The following SYCP2L variants were observed in gnomAD, a reference collection of about 807,000 sequenced individuals.
SYCP2L encodes the protein synaptonemal complex protein 2-like.
SYCP2L carries 98 observed loss-of-function variants against 125.8 expected under a neutral mutation model. That is an observed-to-expected ratio of 0.78 (90% confidence interval 0.66 to 0.92). The LOEUF (loss-of-function observed/expected upper bound fraction) is 0.92. Ranked by LOEUF, SYCP2L falls within the 40% of genes least tolerant of loss-of-function variation. The pLI is 0.00. For missense variants in SYCP2L, 842 were observed against 936.4 expected (o/e 0.90, Z 1.32); for synonymous variants, 317 against 325.4 (o/e 0.97, Z 0.28).
intron 6 of SYCP2L, among the ~76,000 whole-genome samples, chr6:10,899,841 A>G (rs1232194513): frequency 2.0e-5 from 3 of 152,228 alleles, no homozygotes; most frequent in Non-Finnish European, 4.4e-5. Context: ...AAACATTTTC[A>G]AGTCAAAGTT....
intron 21 of SYCP2L, among the ~76,000 whole-genome samples, chr6:10,941,831 G>T (rs1781226317): frequency 2.6e-5 from 4 of 152,042 alleles, no homozygotes; most frequent in Admixed American, 1.3e-4. Flanking sequence ...TATAAAACAT[G>T]CTGCTATAAA....
At position 10,893,049 on chromosome 6, in the gene SYCP2L, A is replaced by G. The variant is rs1268966065; in HGVS notation, c.79-818A>G. Among the ~76,000 whole-genome samples the G allele has an allele frequency of 4.0e-5, 6 of 150,878 alleles. No homozygotes were observed. The East Asian group carries it at 7.8e-4, about 20-fold the overall frequency. On this transcript the variant is annotated intron_variant, in intron 2 of 29. Coordinates refer to ENST00000283141, the MANE Select transcript of SYCP2L (RefSeq NM_001040274.3). ...TGAGACAGAGTTTTGCTCTTGTTGC[A>G]CAGGCTGGAGTGCAGTGGTGCGATC...
chr6:10,906,119 A>G, intron 9 of SYCP2L, 65 bp downstream of exon 9: 1 of 908,906 alleles, frequency 1.1e-6, no homozygotes, highest in African/African-American at 1.6e-5. Flanking sequence ...TTTTATGAGC[A>G]TCTTGGGACT....
At position 10,902,745 on chromosome 6, in the gene SYCP2L, C is replaced by G; in HGVS notation, c.535C>G (p.His179Asp). The change falls in exon 7 of 30, where the codon CAT (histidine) becomes GAT (aspartate). Residue 179 changes from histidine to aspartate, a missense_variant. Coordinates refer to ENST00000283141, the MANE Select transcript of SYCP2L (RefSeq NM_001040274.3). The stretch of plus-strand genomic sequence containing the variant: ...CCTGGTGACAGAAAAGACTGTAAAT[C>G]ATTTGCTTCAACAGGAGGTGAGTTG... ...GFLVTEKTVN[H>D]LLQQEGLKTF... 6.2e-7 allele frequency: 1 copy of G among 1,614,120 alleles called. No individual in the cohort carries two copies. The highest frequency in any genetic ancestry group is 8.5e-7 in the Non-Finnish European group (1 of 1,179,996).
intron 23 of SYCP2L, among the ~76,000 whole-genome samples, chr6:10,953,536 G>A (rs935702856): frequency 6.6e-6 from 1 of 152,150 alleles, no homozygotes; most frequent in African/African-American, 2.4e-5. Context: ...TAGAATAAGA[G>A]AACTGAAATA....
chr6:10,900,358 C>A (rs1405902746), intron 6 of SYCP2L, among the ~76,000 whole-genome samples: 4 of 127,990 alleles, frequency 3.1e-5, no homozygotes, highest in Non-Finnish European at 5.5e-5. Context: ...CTTTTCTTTT[C>A]TTTTTTTTTT....
rs551103839 is a variant in SYCP2L at position 10,907,892 on chromosome 6, G to GTTTTTTTTTTTTT, written c.819+214_819+226dup. The stretch of plus-strand genomic sequence containing the variant: ...GAGCTAGATATAGGGATACAGATAG[G>GTTTTTTTTTTTTT]TTTTTTTTTTTTTTTTTTGACAGAG... On this transcript the variant is annotated intron_variant, in intron 10 of 29. Coordinates refer to ENST00000283141, the MANE Select transcript of SYCP2L (RefSeq NM_001040274.3). Among the ~76,000 whole-genome samples, 117 of 91,902 alleles carry GTTTTTTTTTTTTT rather than the reference G, an allele frequency of 1.3e-3. 10 individuals are homozygous for GTTTTTTTTTTTTT. The highest frequency in any genetic ancestry group is 1.9e-3 in the African/African-American group (46 of 24,144). 60.3% of individuals were successfully genotyped at this position (91,902 alleles called of 152,430 possible). A position where few individuals can be genotyped will look rare whatever the true frequency, so the allele number is the denominator to read the frequency against.
At chr6:10,972,807 C>T (rs1316475041) in intron 29 of SYCP2L, among the ~76,000 whole-genome samples, 3 of 152,150 alleles carry the variant, frequency 2.0e-5, no homozygotes, top group African/African-American at 4.8e-5. Flanking sequence ...AGATTATAGG[C>T]GTCTGCCACC....
At chr6:10,969,422 A>G (rs1781732652) in intron 29 of SYCP2L, among the ~76,000 whole-genome samples, 1 of 140,088 alleles carries the variant, frequency 7.1e-6, no homozygotes, top group Non-Finnish European at 1.5e-5. Context: ...GTGCAGTGGC[A>G]TGATCTTGGC....
chr6:10,922,487 A>G (rs57215157), intron 14 of SYCP2L, among the ~76,000 whole-genome samples: 4,234 of 141,824 alleles, frequency 0.03, 217 homozygotes, highest in African/African-American at 0.1. Context: ...TTTTTTTGAG[A>G]CGAAGTCTCA....
At chr6:10,919,603 G>A (rs1780753795) in intron 14 of SYCP2L, among the ~76,000 whole-genome samples, 1 of 152,194 alleles carries the variant, frequency 6.6e-6, no homozygotes, top group African/African-American at 2.4e-5. Flanking sequence ...GGTAGTGTAG[G>A]GAGGAACAGG....
chr6:10,971,835 C>T (rs889090425), intron 29 of SYCP2L, among the ~76,000 whole-genome samples: 13 of 152,190 alleles, frequency 8.5e-5, no homozygotes, highest in African/African-American at 2.9e-4. Context: ...CCACCACACC[C>T]GGCTAATTTT....
At chr6:10,930,609 G>T (rs1257566858) in intron 19 of SYCP2L, 95 bp downstream of exon 19, 10 of 1,380,378 alleles carry the variant, frequency 7.2e-6, no homozygotes, top group East Asian at 2.5e-5. Flanking sequence ...TGGGTCCAAA[G>T]AAATATATGA....
rs912849818 is a variant in SYCP2L, at chr6:10,927,583, G to A, written c.1440+216G>A. On this transcript the variant is annotated intron_variant, in intron 17 of 29. Transcript: ENST00000283141. ...ATAGGGTGTGGGTCACAGAGATCACGTACTTCACAAGGTAATAGAATATCA... is the reference window on the plus strand; with the variant it reads ...ATAGGGTGTGGGTCACAGAGATCACATACTTCACAAGGTAATAGAATATCA... 4.0e-5 allele frequency among the ~76,000 whole-genome samples: 6 copies of A among 151,788 alleles called. No individual in the cohort carries two copies. The South Asian group carries it at 8.3e-4, about 21-fold the overall frequency.
intron 23 of SYCP2L, among the ~76,000 whole-genome samples, chr6:10,952,486 GTGCTGACAGA>G (rs997662832): frequency 1.1e-4 from 17 of 151,934 alleles, no homozygotes; most frequent in African/African-American, 4.1e-4. Context: ...ACTAGTGTCT[GTGCTGACAGA>G]TGCCTTGCTT....
rs551046486 is a variant in SYCP2L, at chr6:10,946,265, T to A, written c.1954+3519T>A. On this transcript the variant is annotated intron_variant, in intron 23 of 29. Coordinates refer to ENST00000283141, the MANE Select transcript of SYCP2L (RefSeq NM_001040274.3). ...TATATACTCTATTTCTTTTTTCATT[T>A]ACTGATTAACTTAGAAATCATAATG... is the stretch of plus-strand genomic sequence containing the variant. Among the ~76,000 whole-genome samples, 306 of 152,320 alleles carry A rather than the reference T, an allele frequency of 2.0e-3. 1 individual carries two copies. The highest frequency in any genetic ancestry group is 6.9e-3 in the African/African-American group (287 of 41,590).
Position 10,961,519 on chromosome 6 carries a change from C to G in SYCP2L, c.2375C>G (p.Ser792Cys), listed in dbSNP as rs764463736. Residue 792 changes from serine to cysteine, a missense_variant, in exon 28 of 30, where the codon TCT becomes TGT. Physicochemically the swap from Ser to Cys is moderately radical, Grantham distance 112. Transcript: ENST00000283141. Reference sequence around the variant, plus strand: ...TCTTAGGAATTCTGGGGGAAACAGTCTGCTGATCTGCAATCTTTCTGTGAT... The same window carrying G: ...TCTTAGGAATTCTGGGGGAAACAGTGTGCTGATCTGCAATCTTTCTGTGAT... ...KEVLEFWGKQ[S>C]ADLQSFCDLQ... is the part of the protein sequence containing the mutation. 4 of 1,614,146 alleles carry G rather than the reference C, an allele frequency of 2.5e-6. No homozygotes were observed. The highest frequency in any genetic ancestry group is 3.4e-6 in the Non-Finnish European group (4 of 1,180,008).
In SYCP2L at chr6:10,942,735, T is replaced by G. The variant is rs1046751472; in HGVS notation, c.1943T>G (p.Leu648Trp). Residue 648 changes from leucine to tryptophan, a missense_variant, in exon 23 of 30, where the codon TTG (leucine) becomes TGG (tryptophan). Coordinates refer to ENST00000283141, the MANE Select transcript of SYCP2L (RefSeq NM_001040274.3). ...AGCTTGAAACATAAGCTGAGAAACT[T>G]GGAAGACAAAGGTAAGAGAATAGTA... ...STSLKHKLRN[L>W]EDKDIPEGSF... 10 of 1,611,170 alleles carry G rather than the reference T, an allele frequency of 6.2e-6. No homozygotes were observed. The highest frequency in any genetic ancestry group is 8.5e-6 in the Non-Finnish European group (10 of 1,179,224).
chr6:10,937,338 G>A (rs562436201), intron 21 of SYCP2L, among the ~76,000 whole-genome samples: 13 of 152,008 alleles, frequency 8.6e-5, no homozygotes, highest in African/African-American at 1.9e-4. Flanking sequence ...ACACACTCCC[G>A]AATAACCAAT....
Sources: allele counts gnomAD v4.1 joint callset (sites outside exome capture counted in the v4.1 genomes callset), GRCh38; gene constraint gnomAD v4.1.1; transcripts MANE v1.5; gene names NCBI Gene and HGNC (gene_info 2026-07-23, HGNC 2026-07-21).